Variants in ABCA13 observed in about 807,000 individuals in gnomAD.
ABCA13 encodes the protein ATP binding cassette subfamily A member 13, also known as ATP-binding cassette sub-family A member 13.
Under a neutral mutation model 478.7 loss-of-function variants are expected in ABCA13, and 476 were observed. The observed-to-expected ratio is 0.99, with a 90% CI of 0.92 to 1.07. The LOEUF is 1.07. Ranked by LOEUF, ABCA13 falls within the 50% of genes least tolerant of loss-of-function variation. The pLI, the probability that ABCA13 is intolerant of heterozygous loss-of-function variation, is 0.00. For synonymous variants in ABCA13, 2,252 were observed against 2,158.9 expected (o/e 1.04, Z -1.20); for missense variants, 6,060 against 5,910.6 (o/e 1.03, Z -0.83).
chr7:48,271,324 T>C (rs550571620), intron 16 of ABCA13, among the ~76,000 whole-genome samples: 3 of 130,736 alleles, frequency 2.3e-5, no homozygotes, highest in East Asian at 5.3e-4. Context: ...AGGATGTATA[T>C]AGTATTGTTG....
chr7:48,643,426 T>G (rs747031156), intron 60 of ABCA13, 33 bp downstream of exon 60: 2 of 1,509,010 alleles, frequency 1.3e-6, no homozygotes, highest in South Asian at 2.3e-5. Flanking sequence ...TTTCTTTGTT[T>G]TCAGCTAAAA....
In ABCA13 at chr7:48,175,460, A is replaced by T. The variant is rs184433004; in HGVS notation, c.69+3908A>T. Reference sequence around the variant, plus strand: ...TTTCATATGGAGTTTTGCTCATGTCACCCAGGCTGGAGTGCAATGGTGTGA... The same window carrying T: ...TTTCATATGGAGTTTTGCTCATGTCTCCCAGGCTGGAGTGCAATGGTGTGA... On this transcript the variant is annotated intron_variant, in intron 1 of 61. Transcript: ENST00000435803. Among the ~76,000 whole-genome samples, 19 of 152,252 alleles carry T rather than the reference A, an allele frequency of 1.2e-4. No individual in the cohort carries two copies. The East Asian group carries it at 2.5e-3, about 20-fold the overall frequency.
In ABCA13 at chr7:48,314,236, C is replaced by T; in HGVS notation, c.9686C>T (p.Ser3229Leu). Residue 3229 changes from serine to leucine, a missense_variant, in exon 26 of 62, where the codon TCA becomes TTA. Physicochemically the swap from Ser to Leu is moderately radical, Grantham distance 145. Around this residue, in one of 3 missense-constraint regions of ABCA13, gnomAD observed 4,423 missense variants for 4,309.1 expected, o/e 1.03. Coordinates refer to ENST00000435803, the MANE Select transcript of ABCA13 (RefSeq NM_152701.5). ...TTAGTTTTCTTATTTTCTCAGGTTTCACAAAATGTCCAGGCCAGAAGTTCA... is the reference window on the plus strand; with the variant it reads ...TTAGTTTTCTTATTTTCTCAGGTTTTACAAAATGTCCAGGCCAGAAGTTCA... The part of the protein sequence containing the change: ...LLETLDFQQV[S>L]QNVQARSSAF... 1 of 1,606,546 alleles carries T rather than the reference C, an allele frequency of 6.2e-7. No individual in the cohort carries two copies. Among genetic ancestry groups the T allele is most frequent in the Admixed American group, 1.7e-5 (1 of 57,938 alleles).
intron 48 of ABCA13, among the ~76,000 whole-genome samples, chr7:48,494,539 G>T (rs1038789412): frequency 6.6e-6 from 1 of 152,134 alleles, no homozygotes; most frequent in South Asian, 2.1e-4. Context: ...GCTTGCCCTT[G>T]CTGGAATCAG....
intron 20 of ABCA13, 51 bp from the exon 21 acceptor site, chr7:48,295,649 T>C: frequency 1.9e-6 from 3 of 1,604,898 alleles, no homozygotes; most frequent in Non-Finnish European, 2.6e-6. Flanking sequence ...AATCAAAATC[T>C]TACAGATAAG....
intron 35 of ABCA13, among the ~76,000 whole-genome samples, chr7:48,385,465 T>C (rs1253798663): frequency 4.6e-5 from 7 of 152,216 alleles, no homozygotes; most frequent in African/African-American, 1.2e-4. Flanking sequence ...GCTTCATCCA[T>C]GTCCCTGCAA....
chr7:48,431,811 C>CAGGTAT (rs1822188632), intron 42 of ABCA13, among the ~76,000 whole-genome samples: 1 of 152,194 alleles, frequency 6.6e-6, no homozygotes, highest in South Asian at 2.1e-4. Context: ...CCTGATGAAG[C>CAGGTAT]AGTTTTCGCA....
chr7:48,369,109 A>AGTGGT (rs1812232264), intron 32 of ABCA13, among the ~76,000 whole-genome samples: 1 of 151,922 alleles, frequency 6.6e-6, no homozygotes, highest in South Asian at 2.1e-4. Flanking sequence ...GCAGGAGTAG[A>AGTGGT]GTGGTATTAC....
Position 48,320,967 on chromosome 7 carries a change from C to G in ABCA13, c.9999+3671C>G, listed in dbSNP as rs540131536. On this transcript the variant is annotated intron_variant, in intron 27 of 61. Transcript: ENST00000435803. The stretch of plus-strand genomic sequence containing the variant: ...GAAATAATATTCAGAAAATAGTAAA[C>G]CAATGGGATCTCCTCCCCTACAAGT... Among the ~76,000 whole-genome samples, 3 of 152,266 alleles carry G rather than the reference C, an allele frequency of 2.0e-5. No homozygotes were observed. The East Asian group carries it at 5.8e-4, about 29-fold the overall frequency.
intron 27 of ABCA13, among the ~76,000 whole-genome samples, chr7:48,321,662 G>A (rs1390780809): frequency 6.6e-6 from 1 of 152,200 alleles, no homozygotes; most frequent in African/African-American, 2.4e-5. Context: ...GGAGGCCTTG[G>A]GGACCTGCTA....
At chr7:48,631,338 A>C (rs1237962173) in intron 59 of ABCA13, among the ~76,000 whole-genome samples, 1 of 152,104 alleles carries the variant, frequency 6.6e-6, no homozygotes, top group Non-Finnish European at 1.5e-5. Flanking sequence ...TACATGGTGA[A>C]AGATGGGGGT....
intron 3 of ABCA13, among the ~76,000 whole-genome samples, chr7:48,199,690 T>C (rs1798404655): frequency 6.6e-6 from 1 of 152,208 alleles, no homozygotes; most frequent in Non-Finnish European, 1.5e-5. Context: ...AAAAGTTCAA[T>C]GGTCTTTTCT....
At chr7:48,451,600 A>G (rs13233850) in intron 42 of ABCA13, among the ~76,000 whole-genome samples, 24,264 of 152,146 alleles carry the variant, frequency 0.16, 2,356 homozygotes, top group East Asian at 0.23. Context: ...TATTAACTGT[A>G]TATTCCTGAA....
At chr7:48,246,067 A>C (rs1405127) in intron 13 of ABCA13, 37 bp downstream of exon 13, 215,469 of 1,571,644 alleles carry the variant, frequency 0.14, 18,519 homozygotes, top group African/African-American at 0.42. Flanking sequence ...CTAAGGGCAC[A>C]AATTTAAGAT....
chr7:48,424,116 A>C (rs1352831737), intron 41 of ABCA13, among the ~76,000 whole-genome samples: 2 of 152,232 alleles, frequency 1.3e-5, no homozygotes, highest in African/African-American at 4.8e-5. Flanking sequence ...CTTAAATTGG[A>C]AAGTGTAGCC....
intron 1 of ABCA13, among the ~76,000 whole-genome samples, chr7:48,181,254 C>G (rs1795665978): frequency 6.6e-6 from 1 of 152,150 alleles, no homozygotes; most frequent in South Asian, 2.1e-4. Flanking sequence ...CCTTATATAA[C>G]TTGCCCATCA....
Position 48,643,303 on chromosome 7 carries a change from T to C in ABCA13, c.14853T>C (p.Tyr4951=), listed in dbSNP as rs770902175. ...TAACTCTCAGGTTTGGTGATGGTTA[T>C]ACAGTCAAAGTTTGGCTCTGTAAGG... is the stretch of plus-strand genomic sequence containing the variant. ...QHIKNRFGDG[Y]TVKVWLCKEA... Residue 4951 remains tyrosine (Y), a synonymous_variant, in exon 60 of 62, where the codon TAT becomes TAC. Coordinates refer to ENST00000435803, the MANE Select transcript of ABCA13 (RefSeq NM_152701.5). The C allele has an allele frequency of 1.2e-6, 2 of 1,610,878 alleles. No homozygotes were observed. Among genetic ancestry groups the C allele is most frequent in the Non-Finnish European group, 1.7e-6 (2 of 1,178,384 alleles).
intron 20 of ABCA13, among the ~76,000 whole-genome samples, chr7:48,291,119 T>A (rs1361712970): frequency 6.6e-6 from 1 of 152,178 alleles, no homozygotes; most frequent in African/African-American, 2.4e-5. Context: ...TCCTTTTTCT[T>A]TCTGCTTTGC....
At chr7:48,230,280 C>T (rs1788852921) in intron 7 of ABCA13, among the ~76,000 whole-genome samples, 1 of 152,150 alleles carries the variant, frequency 6.6e-6, no homozygotes, top group Admixed American at 6.5e-5. Context: ...TGATTTTAAT[C>T]TTTCCTCTCT....
Sources: gnomAD v4.1 joint callset for allele counts (sites outside exome capture counted in the v4.1 genomes callset) on GRCh38, gnomAD v4.1.1 for gene constraint, gnomAD v4.1.1 regional missense constraint, MANE v1.5 for transcripts, NCBI Gene and HGNC (gene_info 2026-07-23, HGNC 2026-07-21) for gene names.